The following UBXN11 variants were observed in gnomAD, a reference collection of about 807,000 sequenced individuals.
UBXN11 encodes the protein UBX domain-containing protein 11.
Under a neutral mutation model 62.8 loss-of-function variants are expected in UBXN11, and 47 were observed. That is an observed-to-expected ratio of 0.75 (90% CI 0.59 to 0.95). The LOEUF (loss-of-function observed/expected upper bound fraction) is 0.95, where lower values mean the gene tolerates loss of function less well. Among genes scored for constraint, UBXN11 ranks in the 40% least tolerant of loss-of-function variants. UBXN11 has a pLI of 0.00. For synonymous variants in UBXN11, 294 were observed against 267.0 expected, an observed-to-expected ratio of 1.10 and a Z score of -0.99; for missense variants, 638 against 661.7, an observed-to-expected ratio of 0.96 and a Z score of 0.39.
chr1:26,317,281 CTTCAGAAATAATCTAT>C, intron 1 of UBXN11, among the ~76,000 whole-genome samples: 1 of 151,980 alleles, frequency 6.6e-6, no homozygotes, highest in Middle Eastern at 3.4e-3. Context: ...TTTTAACAAA[CTTCAGAAATAATCTAT>C]TTCAGTCTTC....
chr1:26,317,830 T>C (rs1030804713), intron 1 of UBXN11: 30 of 587,736 alleles, frequency 5.1e-5, no homozygotes, highest in African/African-American at 3.6e-4. Context: ...CCTGGTATTA[T>C]CCACCCCCAG....
chr1:26,294,317 G>A lies in UBXN11; in HGVS notation c.447C>T (p.Asp149=). The A allele has an allele frequency of 6.2e-7, 1 of 1,613,182 alleles. No individual in the cohort carries two copies. The highest frequency in any genetic ancestry group is 1.1e-5 in the South Asian group (1 of 91,050). The change falls in exon 8 of 15, where the codon GAC becomes GAT. Residue 149 remains aspartate (D), a synonymous_variant. Transcript: ENST00000374222. ...GCTCGCCCACCCACTGCAGGCCATA[G>A]TCACTGAGGAACCGCTGTGGGAAAG... The part of the protein sequence containing the change: ...QVREMERFLS[D]YGLQWVGEPM...
At chr1:26,303,873 T>A (rs527631140) in intron 1 of UBXN11, among the ~76,000 whole-genome samples, 1 of 152,308 alleles carries the variant, frequency 6.6e-6, no homozygotes, top group South Asian at 2.1e-4. Context: ...TTGCTGTTGC[T>A]GCCACATAGG....
Position 26,282,859 on chromosome 1 carries a change from C to T in UBXN11, c.1151+5G>A, listed in dbSNP as rs2073033416. The T allele has an allele frequency of 6.2e-7, 1 of 1,614,072 alleles. No homozygotes were observed. Among genetic ancestry groups the T allele is most frequent in the Non-Finnish European group, 8.5e-7 (1 of 1,180,042 alleles). Reference sequence around the variant, plus strand: ...CAGGCCCTCACCTCCTCATCCCGCCCTCACCTCTCTCGCTCAGCGGCCAAG... The same window carrying T: ...CAGGCCCTCACCTCCTCATCCCGCCTTCACCTCTCTCGCTCAGCGGCCAAG... On this transcript the variant is annotated splice_donor_5th_base_variant and intron_variant, in intron 13 of 14. Coordinates refer to ENST00000374222, the MANE Select transcript of UBXN11 (RefSeq NM_001389556.1).
At chr1:26,297,506 C>G (rs1294900404) in intron 5 of UBXN11, 25 bp from the exon 6 acceptor site, 1 of 1,539,424 alleles carries the variant, frequency 6.5e-7, no homozygotes, top group Non-Finnish European at 8.8e-7. Context: ...ACAGGGTGAG[C>G]ACAGGGCCTG....
rs1211755663 is a variant in UBXN11, at chr1:26,282,402, G to T, written c.1460C>A (p.Pro487His). The T allele has an allele frequency of 7.8e-7, 1 of 1,288,308 alleles. No homozygotes were observed. 79.8% of individuals were successfully genotyped at this position (1,288,308 alleles called of 1,614,324 possible). A position where few individuals can be genotyped will look rare whatever the true frequency, so the allele number is the denominator to read the frequency against. ...SSLKFSPGPCPGPGPGPSPGP... is the reference protein window; with the variant it reads ...SSLKFSPGPCHGPGPGPSPGP... ...GGGACTGGGGCCGGGACCGGGACCGGGACAGGGACCAGGACTGAATTTCAG... is the reference window on the plus strand; with the variant it reads ...GGGACTGGGGCCGGGACCGGGACCGTGACAGGGACCAGGACTGAATTTCAG... Residue 487 changes from proline (P) to histidine (H), a missense_variant, in exon 15 of 15, where the codon CCC (proline) becomes CAC (histidine). Transcript: ENST00000374222.
rs1433983704 is a variant in UBXN11, at chr1:26,294,220, T to A, written c.544A>T (p.Lys182Ter). Residue 182 changes from lysine (K) to a stop codon, truncating the protein, a stop_gained, in exon 8 of 15, where the codon AAG becomes TAG. Transcript: ENST00000374222. LOFTEE classifies it high-confidence loss of function. ...HGERDWMTAK[K>*]FWKPGDSLAP... Reference sequence around the variant, plus strand: ...CCTGCTCTACCTGGCTTCCAGAACTTCTTGGCTGTCATCCAGTCCCTCTCG... The same window carrying A: ...CCTGCTCTACCTGGCTTCCAGAACTACTTGGCTGTCATCCAGTCCCTCTCG... The A allele has an allele frequency of 6.2e-7, 1 of 1,614,098 alleles. No homozygotes were observed. Among genetic ancestry groups the A allele is most frequent in the African/African-American group, 1.3e-5 (1 of 75,064 alleles).
chr1:26,290,434 C>G (rs1308711598), intron 8 of UBXN11, among the ~76,000 whole-genome samples: 1 of 152,186 alleles, frequency 6.6e-6, no homozygotes, highest in African/African-American at 2.4e-5. Flanking sequence ...CAGAGCAGCA[C>G]AGCCCACACA....
intron 8 of UBXN11, among the ~76,000 whole-genome samples, chr1:26,292,233 G>A (rs1323594264): frequency 2.0e-5 from 3 of 152,224 alleles, no homozygotes; most frequent in Admixed American, 2.0e-4. Context: ...CTATGAAGAT[G>A]CTGGCAGGGC....
intron 8 of UBXN11, among the ~76,000 whole-genome samples, chr1:26,292,615 G>GA (rs2073295942): frequency 6.6e-6 from 1 of 152,142 alleles, no homozygotes; most frequent in Non-Finnish European, 1.5e-5. Flanking sequence ...CAGCACTTTG[G>GA]GATGCCGAGG....
chr1:26,282,953 G>A lies in UBXN11; in HGVS notation c.1078-16C>T, dbSNP rs753743001. ...GGCAGCAGTTCTGGAAGGTATCAGTGGAGGGTGGACAGAGCCCTAGGCCCC... is the reference window on the plus strand; with the variant it reads ...GGCAGCAGTTCTGGAAGGTATCAGTAGAGGGTGGACAGAGCCCTAGGCCCC... On this transcript the variant is annotated splice_polypyrimidine_tract_variant and intron_variant, in intron 12 of 14. Coordinates refer to ENST00000374222, the MANE Select transcript of UBXN11 (RefSeq NM_001389556.1). The A allele has an allele frequency of 4.3e-6, 7 of 1,614,028 alleles. No individual in the cohort carries two copies. The East Asian group carries it at 6.7e-5, about 15-fold the overall frequency.
upstream of UBXN11, among the ~76,000 whole-genome samples, chr1:26,310,470 G>A (rs923470160): frequency 4.0e-5 from 6 of 151,806 alleles, no homozygotes; most frequent in Admixed American, 2.0e-4. Context: ...CCCAGCAGTC[G>A]GAGGTTACAG....
upstream of UBXN11, chr1:26,306,645 T>A (rs2073675464): frequency 1.3e-5 from 2 of 152,436 alleles, no homozygotes; most frequent in South Asian, 2.1e-4. Flanking sequence ...TCACGCGGTT[T>A]CCTAGGCGAC....
chr1:26,289,955 C>T (rs2073220676), intron 8 of UBXN11, among the ~76,000 whole-genome samples: 1 of 152,236 alleles, frequency 6.6e-6, no homozygotes, highest in Non-Finnish European at 1.5e-5. Context: ...TCAGAGGAGC[C>T]AGTGCAGGAA....
intron 8 of UBXN11, among the ~76,000 whole-genome samples, chr1:26,292,270 C>T (rs1318416397): frequency 2.0e-5 from 3 of 152,212 alleles, no homozygotes; most frequent in Non-Finnish European, 4.4e-5. Flanking sequence ...GTAATCCCAG[C>T]ACTTTGGGAG....
chr1:26,294,424 AG>A, intron 7 of UBXN11, 93 bp from the exon 8 acceptor site: 1 of 1,540,394 alleles, frequency 6.5e-7, no homozygotes, highest in Non-Finnish European at 8.7e-7. Flanking sequence ...CTCAGTCTGC[AG>A]GCAATGGGGC....
At chr1:26,314,070 G>A (rs575613918) in intron 1 of UBXN11, among the ~76,000 whole-genome samples, 27 of 152,168 alleles carry the variant, frequency 1.8e-4, no homozygotes, top group African/African-American at 4.6e-4. Context: ...GTTAGCCACC[G>A]CGCCCGGCCG....
intron 8 of UBXN11, among the ~76,000 whole-genome samples, chr1:26,289,219 G>A (rs1400882550): frequency 6.6e-6 from 1 of 152,142 alleles, no homozygotes; most frequent in African/African-American, 2.4e-5. Flanking sequence ...CAATGAGGAC[G>A]ATAAAAGTTT....
At chr1:26,287,588 G>A (rs1280554072) in intron 8 of UBXN11, among the ~76,000 whole-genome samples, 1 of 151,982 alleles carries the variant, frequency 6.6e-6, no homozygotes, top group African/African-American at 2.4e-5. Context: ...GGGCTCTGGG[G>A]ACCTAATTCC....
Sources: allele counts gnomAD v4.1 joint callset (sites outside exome capture counted in the v4.1 genomes callset), GRCh38; gene constraint gnomAD v4.1.1; transcripts MANE v1.5; gene names NCBI Gene and HGNC (gene_info 2026-07-23, HGNC 2026-07-21).